Variants in DAGLA observed in about 807,000 individuals in gnomAD.
The protein encoded by DAGLA is diacylglycerol lipase alpha.
A neutral mutation model predicts 102.6 loss-of-function variants in DAGLA; 22 were observed. The observed-to-expected ratio is 0.21, with a 90% CI of 0.15 to 0.31. The LOEUF is 0.31. Among genes scored for constraint, DAGLA ranks in the 10% least tolerant of loss-of-function variants. The pLI, the probability that DAGLA is intolerant of heterozygous loss-of-function variation, is 1.00. For missense variants in DAGLA, 927 were observed against 1,446.6 expected, an observed-to-expected ratio of 0.64 and a Z score of 5.83; for synonymous variants, 578 against 628.9, an observed-to-expected ratio of 0.92 and a Z score of 1.21.
intron 1 of DAGLA, among the ~76,000 whole-genome samples, chr11:61,682,828 G>A (rs1219165943): frequency 7.3e-6 from 1 of 137,190 alleles, no homozygotes; most frequent in Non-Finnish European, 1.6e-5. Context: ...TCTGCGGGAG[G>A]TTGAGGCTGG....
chr11:61,692,184 C>T (rs1239546146), intron 1 of DAGLA, among the ~76,000 whole-genome samples: 5 of 152,154 alleles, frequency 3.3e-5, no homozygotes, highest in Admixed American at 2.6e-4. Context: ...CCCACGTGGC[C>T]CATGAGCCGG....
chr11:61,683,078 T>C (rs1020690093), intron 1 of DAGLA, among the ~76,000 whole-genome samples: 4 of 152,216 alleles, frequency 2.6e-5, no homozygotes, highest in African/African-American at 9.6e-5. Context: ...TTGCAGACCC[T>C]GCCCCATGGC....
intron 1 of DAGLA, among the ~76,000 whole-genome samples, chr11:61,688,408 C>A (rs2065001668): frequency 6.6e-6 from 1 of 152,022 alleles, no homozygotes; most frequent in African/African-American, 2.4e-5. Flanking sequence ...GGCACATAAA[C>A]CCAAGCCAAG....
intron 15 of DAGLA, 72 bp from the exon 16 acceptor site, chr11:61,738,063 C>A: frequency 1.6e-6 from 2 of 1,258,932 alleles, no homozygotes; most frequent in Admixed American, 1.7e-5. Flanking sequence ...CCTGCCCCTC[C>A]GCCCCTGGCC....
intron 6 of DAGLA, 132 bp downstream of exon 6, chr11:61,726,214 T>G: frequency 1.3e-6 from 1 of 797,178 alleles, no homozygotes; most frequent in Admixed American, 2.0e-5. Context: ...CGTGAGCAAG[T>G]ATGGCCTGCT....
chr11:61,714,103 G>A (rs2135573972), intron 1 of DAGLA, among the ~76,000 whole-genome samples: 1 of 152,316 alleles, frequency 6.6e-6, no homozygotes, highest in African/African-American at 2.4e-5. Flanking sequence ...TCCAGTGCTA[G>A]TTTTACATAT....
intron 1 of DAGLA, among the ~76,000 whole-genome samples, chr11:61,685,538 C>A (rs965688564): frequency 6.6e-6 from 1 of 151,824 alleles, no homozygotes; most frequent in Non-Finnish European, 1.5e-5. Context: ...ATTTCTTGAG[C>A]GCCTGCTGTG....
Position 61,733,426 on chromosome 11 carries a change from T to C in DAGLA, c.975-1423T>C, listed in dbSNP as rs576630737. ...GCACTGTGGCTTTCTCAGCAAAGTC[T>C]CTCCCCATTGGAAAGTGTGTAATAG... On this transcript the variant is annotated intron_variant, in intron 9 of 19. Coordinates refer to ENST00000257215, the MANE Select transcript of DAGLA (RefSeq NM_006133.3). Among the ~76,000 whole-genome samples the C allele has an allele frequency of 2.0e-5, 3 of 152,334 alleles. No individual in the cohort carries two copies. In the East Asian group the frequency reaches 5.8e-4, roughly 29 times the overall value.
At chr11:61,717,591 T>C (rs1277226224) in intron 1 of DAGLA, among the ~76,000 whole-genome samples, 1 of 152,222 alleles carries the variant, frequency 6.6e-6, no homozygotes, top group Non-Finnish European at 1.5e-5. Flanking sequence ...TTGAGGAAAC[T>C]GAGGCACGAC....
chr11:61,712,175 C>T (rs766472653), intron 1 of DAGLA, among the ~76,000 whole-genome samples: 50 of 152,136 alleles, frequency 3.3e-4, no homozygotes, highest in Non-Finnish European at 5.1e-4. Context: ...CCAAGAAGCA[C>T]GAGGAGGGCA....
intron 9 of DAGLA, among the ~76,000 whole-genome samples, chr11:61,732,415 T>G (rs1449335178): frequency 6.6e-6 from 1 of 152,218 alleles, no homozygotes; most frequent in Non-Finnish European, 1.5e-5. Flanking sequence ...CATTCTTGCC[T>G]GCATCCCTGG....
In DAGLA at chr11:61,683,400, C is replaced by T. The variant is rs570734467; in HGVS notation, c.-45+2896C>T. ...AGGGGTATCCATGGCCTGTCTCACC[C>T]GCTCCCTGCAGTGCTTCATACCTCC... On this transcript the variant is annotated intron_variant, in intron 1 of 19. Transcript: ENST00000257215. 1.5e-4 allele frequency among the ~76,000 whole-genome samples: 23 copies of T among 152,222 alleles called. No individual in the cohort carries two copies. In the South Asian group the frequency reaches 1.9e-3, roughly 12 times the overall value.
intron 1 of DAGLA, among the ~76,000 whole-genome samples, chr11:61,693,604 C>T (rs1713753333): frequency 6.6e-6 from 1 of 152,218 alleles, no homozygotes; most frequent in South Asian, 2.1e-4. Context: ...CCCTCGGCCT[C>T]CCAAAGTGCT....
chr11:61,716,233 A>T (rs1318914428), intron 1 of DAGLA, among the ~76,000 whole-genome samples: 1 of 152,112 alleles, frequency 6.6e-6, no homozygotes, highest in Admixed American at 6.5e-5. Context: ...GATGGGCAGC[A>T]AGGAGTCAGC....
intron 6 of DAGLA, among the ~76,000 whole-genome samples, chr11:61,727,087 T>TAGCA (rs2065334253): frequency 6.6e-6 from 1 of 152,306 alleles, no homozygotes; most frequent in Admixed American, 6.5e-5. Context: ...GGGGAAAAGA[T>TAGCA]AGCACATCAC....
intron 1 of DAGLA, 108 bp downstream of exon 1, chr11:61,680,612 C>T (rs2064933254): frequency 6.7e-6 from 1 of 149,282 alleles, no homozygotes; most frequent in South Asian, 1.9e-4. Context: ...CCCGACGGGT[C>T]GGCGGGCGGA....
chr11:61,744,052 C>T lies in DAGLA; in HGVS notation c.2692C>T (p.His898Tyr). The T allele has an allele frequency of 1.9e-6, 3 of 1,612,708 alleles. No homozygotes were observed. Among genetic ancestry groups the T allele is most frequent in the Non-Finnish European group, 2.5e-6 (3 of 1,179,916 alleles). The change falls in exon 20 of 20, where the codon CAC (histidine) becomes TAC (tyrosine). Residue 898 changes from histidine to tyrosine, a missense_variant. Coordinates refer to ENST00000257215, the MANE Select transcript of DAGLA (RefSeq NM_006133.3). The part of the protein sequence containing the change: ...GPASRGELAL[H>Y]NGRLGDSPSP... ...GGCCTCCCGCGGGGAGCTGGCGCTG[C>T]ACAATGGGCGCCTGGGGGACTCGCC...
At chr11:61,706,324 A>G (rs558091837) in intron 1 of DAGLA, among the ~76,000 whole-genome samples, 2 of 152,326 alleles carry the variant, frequency 1.3e-5, no homozygotes, top group Admixed American at 6.5e-5. Context: ...GGCTGAGCCA[A>G]TGGCCCTGGG....
chr11:61,744,703 A>G lies in DAGLA; in HGVS notation c.*214A>G, dbSNP rs1417200370. ...CTGGGATCTGGCCCCACAGATGGGGAAAGATGGGGAAGGGTGTGGAGTGGG... is the reference window on the plus strand; with the variant it reads ...CTGGGATCTGGCCCCACAGATGGGGGAAGATGGGGAAGGGTGTGGAGTGGG... On this transcript the variant is annotated 3_prime_UTR_variant, in exon 20 of 20. Coordinates refer to ENST00000257215, the MANE Select transcript of DAGLA (RefSeq NM_006133.3). The G allele has an allele frequency of 2.2e-5, 12 of 538,696 alleles. No homozygotes were observed. Among genetic ancestry groups the G allele is most frequent in the Non-Finnish European group, 3.9e-5 (12 of 307,284 alleles). 33.4% of individuals were successfully genotyped at this position (538,696 alleles called of 1,614,324 possible).
Sources: allele counts gnomAD v4.1 joint callset (sites outside exome capture counted in the v4.1 genomes callset), GRCh38; gene constraint gnomAD v4.1.1; transcripts MANE v1.5; gene names NCBI Gene and HGNC (gene_info 2026-07-23, HGNC 2026-07-21).